Variants in ZNF445 observed in about 807,000 individuals in gnomAD.
The protein encoded by ZNF445 is zinc finger protein 168.
In ZNF445, 19 loss-of-function variants were observed where a neutral mutation model predicts 93.9. The observed-to-expected ratio is 0.20, with a 90% CI of 0.14 to 0.30. The LOEUF (loss-of-function observed/expected upper bound fraction) is 0.30. ZNF445 is among the 10% of genes least tolerant of loss of function. The pLI, the probability that ZNF445 is intolerant of heterozygous loss-of-function variation, is 1.00. For missense variants in ZNF445, 1,058 were observed against 1,259.4 expected (o/e 0.84, Z 2.42); for synonymous variants, 449 against 446.3 (o/e 1.01, Z -0.08).
chr3:44,449,374 C>T, intron 7 of ZNF445, 139 bp downstream of exon 7: 1 of 697,250 alleles, frequency 1.4e-6, no homozygotes, highest in South Asian at 1.8e-5. Flanking sequence ...GACCCAGTGG[C>T]CCAAGCACCC....
intron 1 of ZNF445, 34 bp downstream of exon 1, chr3:44,477,557 C>T (rs1419825557): frequency 6.6e-6 from 1 of 152,442 alleles, no homozygotes; most frequent in Non-Finnish European, 1.5e-5. Flanking sequence ...GCAATGCCGC[C>T]ACCCCCACCC....
chr3:44,432,817 A>C lies in ZNF445; in HGVS notation c.*13758T>G, dbSNP rs1697585984. ...CCCTGAATGGCAGAACCCAACAAGG[A>C]ACCAGCTGGCGAAGCAGCATCGTGC... is the stretch of plus-strand genomic sequence containing the variant. On this transcript the variant is annotated 3_prime_UTR_variant, in exon 8 of 8. Transcript: ENST00000396077. The C allele has an allele frequency of 6.6e-6, 1 of 152,262 alleles. No individual in the cohort carries two copies. Among genetic ancestry groups the C allele is most frequent in the South Asian group, 2.1e-4 (1 of 4,836 alleles). The allele number at this position is 152,262 out of a possible 1,614,324, so 9.4% of individuals were successfully genotyped here.
intron 1 of ZNF445, among the ~76,000 whole-genome samples, chr3:44,475,420 G>C (rs1163902244): frequency 6.6e-6 from 1 of 151,734 alleles, no homozygotes. Flanking sequence ...GGCTGGTCTT[G>C]AACTCCTGAC....
intron 1 of ZNF445, among the ~76,000 whole-genome samples, chr3:44,459,435 C>A: frequency 6.6e-6 from 1 of 152,140 alleles, no homozygotes; most frequent in East Asian, 1.9e-4. Flanking sequence ...TTCATGATGA[C>A]AATTCTTCCT....
At chr3:44,457,838 TAAAAATACA>T (rs1265456507) in intron 2 of ZNF445, among the ~76,000 whole-genome samples, 3 of 151,110 alleles carry the variant, frequency 2.0e-5, no homozygotes, top group Non-Finnish European at 4.4e-5. Context: ...CCATCTCTAC[TAAAAATACA>T]AAAAATACAA....
In ZNF445 at chr3:44,440,274, G is replaced by A. The variant is rs985970251; in HGVS notation, c.*6301C>T. The A allele has an allele frequency of 6.6e-6, 1 of 152,154 alleles. No individual in the cohort carries two copies. 9.4% of individuals were successfully genotyped at this position (152,154 alleles called of 1,614,324 possible). The stretch of plus-strand genomic sequence containing the variant: ...GCAGGGTTAACATTAACTTTAAAAG[G>A]TGTGGTAGCTGGCATACAAGTATTT... On this transcript the variant is annotated 3_prime_UTR_variant, in exon 8 of 8. Coordinates refer to ENST00000396077, the MANE Select transcript of ZNF445 (RefSeq NM_181489.6).
At position 44,433,299 on chromosome 3, in the gene ZNF445, A is replaced by C. The variant is rs1419728027; in HGVS notation, c.*13276T>G. ...CTGGCTACTTTTGTATTTTTAGTAG[A>C]GACAGGGAGTTCAGACTGGTCTCGA... On this transcript the variant is annotated 3_prime_UTR_variant, in exon 8 of 8. Coordinates refer to ENST00000396077, the MANE Select transcript of ZNF445 (RefSeq NM_181489.6). The C allele has an allele frequency of 2.0e-5, 3 of 152,086 alleles. No homozygotes were observed. Among genetic ancestry groups the C allele is most frequent in the African/African-American group, 7.2e-5 (3 of 41,408 alleles). The allele number at this position is 152,086 out of a possible 1,614,324, so 9.4% of individuals were successfully genotyped here. A position where few individuals can be genotyped will look rare whatever the true frequency, so the allele number is the denominator to read the frequency against.
In ZNF445 at chr3:44,435,396, T is replaced by C. The variant is rs1275344255; in HGVS notation, c.*11179A>G. On this transcript the variant is annotated 3_prime_UTR_variant, in exon 8 of 8. Coordinates refer to ENST00000396077, the MANE Select transcript of ZNF445 (RefSeq NM_181489.6). ...AACTGCAAACCAGTTGTCAGACGTA[T>C]CGTTTGCTCAGCACTGAAACCACAT... 6.6e-6 allele frequency: 1 copy of C among 152,162 alleles called. No homozygotes were observed. The highest frequency in any genetic ancestry group is 1.5e-5 in the Non-Finnish European group (1 of 68,038). The allele number at this position is 152,162 out of a possible 1,614,324, so 9.4% of individuals were successfully genotyped here. A position where few individuals can be genotyped will look rare whatever the true frequency, so the allele number is the denominator to read the frequency against.
Position 44,455,358 on chromosome 3 carries a change from A to C in ZNF445, c.192T>G (p.His64Gln). Residue 64 changes from histidine (H) to glutamine (Q), a missense_variant, in exon 3 of 8, where the codon CAT becomes CAG. His to Gln is a conservative substitution (Grantham distance 24). Coordinates refer to ENST00000396077, the MANE Select transcript of ZNF445 (RefSeq NM_181489.6). The part of the protein sequence containing the change: ...FRQLFRQLRY[H>Q]ESSGPLETLS... ...GAGTTTCTAGGGGCCCTGAAGACTC[A>C]TGGTAGCGAAGCTGTCTGAAGAGCT... 6.2e-7 allele frequency: 1 copy of C among 1,614,094 alleles called. No homozygotes were observed.
intron 3 of ZNF445, among the ~76,000 whole-genome samples, chr3:44,452,214 G>C (rs906885841): frequency 6.6e-6 from 1 of 152,166 alleles, no homozygotes; most frequent in African/African-American, 2.4e-5. Context: ...TTCTGGTCCT[G>C]TGGCCGAGAC....
rs1263390076 is a variant in ZNF445, at chr3:44,444,451, G to T, written c.*2124C>A. 1.3e-5 allele frequency: 2 copies of T among 152,232 alleles called. No homozygotes were observed. Among genetic ancestry groups the T allele is most frequent in the Admixed American group, 6.5e-5 (1 of 15,286 alleles). The allele number at this position is 152,232 out of a possible 1,614,324, so 9.4% of individuals were successfully genotyped here. ...TGCAGAGGTTCATTGACTTGCTCAA[G>T]ATCAATCCTGCCAAGAAAAGGCACA... On this transcript the variant is annotated 3_prime_UTR_variant, in exon 8 of 8. Transcript: ENST00000396077.
chr3:44,433,287 T>C lies in ZNF445; in HGVS notation c.*13288A>G, dbSNP rs990489103. The C allele has an allele frequency of 1.3e-5, 2 of 152,156 alleles. No homozygotes were observed. Among genetic ancestry groups the C allele is most frequent in the African/African-American group, 2.4e-5 (1 of 41,428 alleles). The allele number at this position is 152,156 out of a possible 1,614,324, so 9.4% of individuals were successfully genotyped here. On this transcript the variant is annotated 3_prime_UTR_variant, in exon 8 of 8. Coordinates refer to ENST00000396077, the MANE Select transcript of ZNF445 (RefSeq NM_181489.6). The stretch of plus-strand genomic sequence containing the variant: ...CCGCTACCACGCCTGGCTACTTTTG[T>C]ATTTTTAGTAGAGACAGGGAGTTCA...
At chr3:44,473,485 ACACAC>A (rs768223584) in intron 1 of ZNF445, among the ~76,000 whole-genome samples, 1 of 61,576 alleles carries the variant, frequency 1.6e-5, no homozygotes, top group African/African-American at 4.1e-5. Flanking sequence ...ACACACACAC[ACACAC>A]AAAAAATGCT....
chr3:44,453,324 T>C (rs1382503577), intron 3 of ZNF445, among the ~76,000 whole-genome samples: 1 of 151,908 alleles, frequency 6.6e-6, no homozygotes, highest in African/African-American at 2.4e-5. Flanking sequence ...AGACAGCGTC[T>C]TGTTCTGTTG....
chr3:44,463,057 G>C (rs564851537), intron 1 of ZNF445, among the ~76,000 whole-genome samples: 3 of 147,110 alleles, frequency 2.0e-5, no homozygotes, highest in East Asian at 4.0e-4. Flanking sequence ...GTGTGTATGA[G>C]ACAGAGTCTC....
In ZNF445 at chr3:44,461,725, A is replaced by G. The variant is rs191334575; in HGVS notation, c.-268-3361T>C. 5.9e-5 allele frequency among the ~76,000 whole-genome samples: 9 copies of G among 152,280 alleles called. No individual in the cohort carries two copies. In the East Asian group the frequency reaches 1.7e-3, roughly 29 times the overall value. Reference sequence around the variant, plus strand: ...ACTTTGGGTGCTGAACAAGGTGACTAATGTTTGTTTTGTTATGTGTGTTTT... The same window carrying G: ...ACTTTGGGTGCTGAACAAGGTGACTGATGTTTGTTTTGTTATGTGTGTTTT... On this transcript the variant is annotated intron_variant, in intron 1 of 7. Coordinates refer to ENST00000396077, the MANE Select transcript of ZNF445 (RefSeq NM_181489.6).
intron 1 of ZNF445, among the ~76,000 whole-genome samples, chr3:44,464,980 T>C (rs978880646): frequency 6.0e-5 from 9 of 150,632 alleles, no homozygotes; most frequent in African/African-American, 2.2e-4. Flanking sequence ...GGCAGCAGAA[T>C]TGCTTGAACC....
intron 1 of ZNF445, among the ~76,000 whole-genome samples, chr3:44,459,715 T>C (rs756424577): frequency 6.6e-6 from 1 of 152,230 alleles, no homozygotes. Context: ...TGCATACATA[T>C]ATATTTGGTC....
chr3:44,453,687 T>C (rs998825181), intron 3 of ZNF445, among the ~76,000 whole-genome samples: 6 of 152,208 alleles, frequency 3.9e-5, no homozygotes, highest in Non-Finnish European at 7.3e-5. Flanking sequence ...AGCTCCCCTG[T>C]GTGCAGGAGA....
Sources: allele counts gnomAD v4.1 joint callset (sites outside exome capture counted in the v4.1 genomes callset), GRCh38; gene constraint gnomAD v4.1.1; transcripts MANE v1.5; gene names NCBI Gene and HGNC (gene_info 2026-07-23, HGNC 2026-07-21).